Variants in GALNT15 observed in about 807,000 individuals in gnomAD.
GALNT15 encodes UDP-GalNAc transferase T15.
GALNT15 carries 67 observed loss-of-function variants against 66.8 expected under a neutral mutation model. The observed-to-expected ratio is 1.00, with a 90% CI of 0.82 to 1.23. The LOEUF (loss-of-function observed/expected upper bound fraction) is 1.23, where lower values mean the gene tolerates loss of function less well. Among genes scored for constraint, GALNT15 ranks in the 50% most tolerant of loss-of-function variants. The probability of loss-of-function intolerance (pLI) is 0.00; values close to 1 mark genes in which losing one functional copy is unlikely to be tolerated. For missense variants in GALNT15, 827 were observed against 804.3 expected (o/e 1.03, Z -0.34); for synonymous variants, 313 against 311.5 (o/e 1.00, Z -0.05).
intron 6 of GALNT15, among the ~76,000 whole-genome samples, chr3:16,216,878 C>T (rs1432606515): frequency 6.6e-6 from 1 of 152,214 alleles, no homozygotes; most frequent in Non-Finnish European, 1.5e-5. Flanking sequence ...GAGATCATAT[C>T]GGGAAGCTGA....
At position 16,200,413 on chromosome 3, in the gene GALNT15, T is replaced by C. The variant is rs1305162644; in HGVS notation, c.707-206T>C. Among the ~76,000 whole-genome samples the C allele has an allele frequency of 6.6e-6, 1 of 152,162 alleles. No individual in the cohort carries two copies. The highest frequency in any genetic ancestry group is 1.5e-5 in the Non-Finnish European group (1 of 68,030). On this transcript the variant is annotated intron_variant, in intron 2 of 9. Coordinates refer to ENST00000339732, the MANE Select transcript of GALNT15 (RefSeq NM_054110.5). This position sits in a 1 kb window ranked among gnomAD's most constrained non-coding sequence, Gnocchi z 4.4. ...TGGTTTTCTGACACCATCCCTCTAA[T>C]TTTTACTGGAGAGAATCATGGCCCA... is the stretch of plus-strand genomic sequence containing the variant.
chr3:16,213,682 C>T (rs1482649907), intron 6 of GALNT15, among the ~76,000 whole-genome samples: 1 of 152,118 alleles, frequency 6.6e-6, no homozygotes, highest in African/African-American at 2.4e-5. Context: ...CACAACAGTC[C>T]TGGAGCAGCT....
Position 16,184,556 on chromosome 3 carries a change from C to T in GALNT15, c.539+8866C>T, listed in dbSNP as rs1333471234. 6.6e-6 allele frequency among the ~76,000 whole-genome samples: 1 copy of T among 152,196 alleles called. No homozygotes were observed. The highest frequency in any genetic ancestry group is 1.5e-5 in the Non-Finnish European group (1 of 68,044). On this transcript the variant is annotated intron_variant, in intron 1 of 9. Transcript: ENST00000339732. This position sits in a 1 kb window ranked among gnomAD's most constrained non-coding sequence, Gnocchi z 5.0. ...AGGTCTTGGCTTTGATTTCACGTCC[C>T]TACATCCAGAACGTCTCACTACAGC... is the stretch of plus-strand genomic sequence containing the variant.
chr3:16,183,766 C>T lies in GALNT15; in HGVS notation c.539+8076C>T, dbSNP rs565412700. On this transcript the variant is annotated intron_variant, in intron 1 of 9. Transcript: ENST00000339732. This position sits in a 1 kb window ranked among gnomAD's most constrained non-coding sequence, Gnocchi z 5.2. Reference sequence around the variant, plus strand: ...TTTAGGAAACCTGGCAGAAACCTTTCTACTCTGGCCAGGCAAGGGGAGGGA... The same window carrying T: ...TTTAGGAAACCTGGCAGAAACCTTTTTACTCTGGCCAGGCAAGGGGAGGGA... Among the ~76,000 whole-genome samples, 8 of 152,318 alleles carry T rather than the reference C, an allele frequency of 5.3e-5. No homozygotes were observed. Among genetic ancestry groups the T allele is most frequent in the African/African-American group, 9.6e-5 (4 of 41,566 alleles).
chr3:16,226,378 A>T (rs979394053), intron 9 of GALNT15, among the ~76,000 whole-genome samples: 9 of 151,576 alleles, frequency 5.9e-5, no homozygotes, highest in African/African-American at 2.2e-4. Flanking sequence ...ATAAAGACAT[A>T]CCTGAGACTG....
rs2063405870 is a variant in GALNT15 at position 16,175,977 on chromosome 3, G to C, written c.539+287G>C. On this transcript the variant is annotated intron_variant, in intron 1 of 9. Coordinates refer to ENST00000339732, the MANE Select transcript of GALNT15 (RefSeq NM_054110.5). The surrounding 1 kb of genome is among the most constrained non-coding windows in gnomAD (Gnocchi z 5.6). ...GTGAGAATCATTGTCCTAGAAAGCA[G>C]AAAGTGAGGACTCTTGCTTGTTCAT... Among the ~76,000 whole-genome samples the C allele has an allele frequency of 6.6e-6, 1 of 152,210 alleles. No individual in the cohort carries two copies. The highest frequency in any genetic ancestry group is 2.4e-5 in the African/African-American group (1 of 41,454).
chr3:16,221,243 GCT>G (rs2063939281), intron 8 of GALNT15, among the ~76,000 whole-genome samples: 1 of 132,780 alleles, frequency 7.5e-6, no homozygotes, highest in African/African-American at 2.9e-5. Context: ...AGGAATATTA[GCT>G]CTTTCTTGTT....
At position 16,225,260 on chromosome 3, in the gene GALNT15, C is replaced by T. The variant is rs929238376; in HGVS notation, c.1774-2094C>T. Among the ~76,000 whole-genome samples, 4 of 152,194 alleles carry T rather than the reference C, an allele frequency of 2.6e-5. No individual in the cohort carries two copies. The highest frequency in any genetic ancestry group is 9.7e-5 in the African/African-American group (4 of 41,448). ...TCCCCATGATCCAAACATCCCCCAC[C>T]AAACCCCACCTCCAGCACTGGGAAT... is the stretch of plus-strand genomic sequence containing the variant. On this transcript the variant is annotated intron_variant, in intron 9 of 9. Transcript: ENST00000339732. The surrounding 1 kb of genome is among the most constrained non-coding windows in gnomAD (Gnocchi z 4.4).
Position 16,229,829 on chromosome 3 carries a change from T to G in GALNT15, c.*2329T>G. On this transcript the variant is annotated 3_prime_UTR_variant, in exon 10 of 10. Coordinates refer to ENST00000339732, the MANE Select transcript of GALNT15 (RefSeq NM_054110.5). The stretch of plus-strand genomic sequence containing the variant: ...GTGAACAAAGCAAGAATATGGTGTT[T>G]CTTGCTTCCTTAACCAGCTCCATGA... 1 of 744,504 alleles carries G rather than the reference T, an allele frequency of 1.3e-6. No individual in the cohort carries two copies. The highest frequency in any genetic ancestry group is 1.6e-6 in the Non-Finnish European group (1 of 610,002). 46.1% of individuals were successfully genotyped at this position (744,504 alleles called of 1,614,324 possible).
rs773779764 is a variant in GALNT15 at position 16,200,709 on chromosome 3, C to T, written c.797C>T (p.Ala266Val). 17 of 1,611,152 alleles carry T rather than the reference C, an allele frequency of 1.1e-5. No homozygotes were observed. The highest frequency in any genetic ancestry group is 1.4e-5 in the Non-Finnish European group (16 of 1,178,856). Residue 266 changes from alanine (A) to valine (V), a missense_variant, in exon 3 of 10, where the codon GCC (alanine) becomes GTC (valine). Coordinates refer to ENST00000339732, the MANE Select transcript of GALNT15 (RefSeq NM_054110.5). This position sits in a 1 kb window ranked among gnomAD's most constrained non-coding sequence, Gnocchi z 4.4. ...AACAAGAGGCTGGGTGCCATCAGGG[C>T]CCGGATGCTGGGGGCCACCAGAGCC... is the stretch of plus-strand genomic sequence containing the variant. Reference protein sequence around the residue: ...RSNKRLGAIRARMLGATRATG... With the variant: ...RSNKRLGAIRVRMLGATRATG...
At chr3:16,247,894 CAG>C in the GALNT15 span, among the ~76,000 whole-genome samples, 4 of 152,306 alleles carry the variant, frequency 2.6e-5, no homozygotes, top group East Asian at 3.9e-4. Flanking sequence ...CCAGCACACA[CAG>C]GGGCTGTCCC....
intron 2 of GALNT15, among the ~76,000 whole-genome samples, chr3:16,197,248 G>GAA (rs2063648530): frequency 6.6e-6 from 1 of 152,138 alleles, no homozygotes; most frequent in Non-Finnish European, 1.5e-5. Context: ...CTACCCCAGA[G>GAA]CTGGCAGCCC....
chr3:16,231,798 G>C, downstream of GALNT15: 1 of 1,536,064 alleles, frequency 6.5e-7, no homozygotes, highest in Non-Finnish European at 8.7e-7. The surrounding 1 kb of genome is among the most constrained non-coding windows in gnomAD (Gnocchi z 4.1). Context: ...CTCAGGATGA[G>C]AACAGGGCCA....
the GALNT15 span, among the ~76,000 whole-genome samples, chr3:16,240,898 A>G: frequency 1.3e-5 from 2 of 152,068 alleles, no homozygotes; most frequent in Non-Finnish European, 2.9e-5. Flanking sequence ...ACCTGCTACT[A>G]TTTGCCCCAT....
chr3:16,225,119 T>G lies in GALNT15; in HGVS notation c.1774-2235T>G, dbSNP rs555757688. On this transcript the variant is annotated intron_variant, in intron 9 of 9. Coordinates refer to ENST00000339732, the MANE Select transcript of GALNT15 (RefSeq NM_054110.5). The surrounding 1 kb of genome is among the most constrained non-coding windows in gnomAD (Gnocchi z 4.4). The stretch of plus-strand genomic sequence containing the variant: ...ATGAAGTGGGAGCAGGCATATCACA[T>G]GGTGAAAGCAGGAACAAGAGAAAGA... Among the ~76,000 whole-genome samples, 3 of 152,162 alleles carry G rather than the reference T, an allele frequency of 2.0e-5. No homozygotes were observed. The highest frequency in any genetic ancestry group is 2.0e-4 in the Admixed American group (3 of 15,296).
intron 1 of GALNT15, among the ~76,000 whole-genome samples, chr3:16,185,937 T>C (rs574835836): frequency 2.0e-5 from 3 of 152,264 alleles, no homozygotes; most frequent in Non-Finnish European, 2.9e-5. Context: ...TATCAAAACT[T>C]AGTAGATTTT....
downstream of GALNT15, among the ~76,000 whole-genome samples, chr3:16,230,377 G>A (rs979464054): frequency 5.9e-5 from 9 of 152,150 alleles, no homozygotes; most frequent in Admixed American, 5.9e-4. The surrounding 1 kb of genome is among the most constrained non-coding windows in gnomAD (Gnocchi z 4.5). Flanking sequence ...CATGGTGGTT[G>A]AAAAGTCCTC....
chr3:16,221,111 C>T (rs2063937653), intron 8 of GALNT15, among the ~76,000 whole-genome samples: 1 of 151,978 alleles, frequency 6.6e-6, no homozygotes, highest in Admixed American at 6.5e-5. Flanking sequence ...TCTTTAAATC[C>T]TGGTTTCCTC....
At chr3:16,232,247 A>C (rs755615592), downstream of GALNT15, among the ~76,000 whole-genome samples, 7 of 151,658 alleles carry the variant, frequency 4.6e-5, no homozygotes, top group Non-Finnish European at 8.8e-5. Flanking sequence ...AGACTAAGAA[A>C]TCAGTCTCTC....
Sources: allele counts gnomAD v4.1 joint callset (sites outside exome capture counted in the v4.1 genomes callset), GRCh38; gene constraint gnomAD v4.1.1; non-coding constraint Gnocchi (gnomAD v3.1); transcripts MANE v1.5; gene names NCBI Gene and HGNC (gene_info 2026-07-23, HGNC 2026-07-21).